The following TRAK2 variants were observed in gnomAD, a reference collection of about 807,000 sequenced individuals.
TRAK2 encodes the protein trafficking kinesin-binding protein 2.
Under a neutral mutation model 104.6 loss-of-function variants are expected in TRAK2, and 81 were observed. That is an observed-to-expected ratio of 0.77 (90% CI 0.65 to 0.93). The LOEUF (loss-of-function observed/expected upper bound fraction) is 0.93, where lower values mean the gene tolerates loss of function less well. Among genes scored for constraint, TRAK2 ranks in the 40% least tolerant of loss-of-function variants. The pLI, the probability that TRAK2 is intolerant of heterozygous loss-of-function variation, is 0.00. For synonymous variants in TRAK2, 406 were observed against 394.4 expected (o/e 1.03, Z -0.35); for missense variants, 1,002 against 1,089.0 (o/e 0.92, Z 1.12).
At chr2:201,421,877 T>C (rs1951743896) in intron 1 of TRAK2, among the ~76,000 whole-genome samples, 1 of 151,880 alleles carries the variant, frequency 6.6e-6, no homozygotes. Flanking sequence ...GGTGAAACCC[T>C]GTCTCTACTA....
chr2:201,410,046 C>G (rs1331878927), intron 2 of TRAK2, among the ~76,000 whole-genome samples: 3 of 152,178 alleles, frequency 2.0e-5, no homozygotes, highest in Non-Finnish European at 4.4e-5. Context: ...GCCTGTAATC[C>G]CAGCACTCTG....
rs1264147542 is a variant in TRAK2 at position 201,420,611 on chromosome 2, G to C, written c.-104C>G. 1.1e-6 allele frequency: 1 copy of C among 946,920 alleles called. No individual in the cohort carries two copies. Among genetic ancestry groups the C allele is most frequent in the South Asian group, 1.4e-5 (1 of 69,350 alleles). 58.7% of individuals were successfully genotyped at this position (946,920 alleles called of 1,614,324 possible). ...ATAATGAAATGGATTTGGTCACATG[G>C]ATATTTTCTTTTAGACAGATTTTCT... On this transcript the variant is annotated 5_prime_UTR_variant, in exon 2 of 16. In the 5' UTR this introduces an upstream ATG that the reference lacks. Coordinates refer to ENST00000332624, the MANE Select transcript of TRAK2 (RefSeq NM_015049.3).
At chr2:201,393,125 T>G in intron 9 of TRAK2, 79 bp from the exon 10 acceptor site, 6 of 1,452,494 alleles carry the variant, frequency 4.1e-6, no homozygotes, top group Non-Finnish European at 5.6e-6. Context: ...CCTTTTGGGA[T>G]AAGTATTGAT....
chr2:201,417,334 C>T (rs1320338764), intron 2 of TRAK2, among the ~76,000 whole-genome samples: 2 of 150,200 alleles, frequency 1.3e-5, no homozygotes, highest in Non-Finnish European at 3.0e-5. Flanking sequence ...CACACACACA[C>T]ATATACACAC....
chr2:201,403,308 G>A (rs189826394), intron 3 of TRAK2, among the ~76,000 whole-genome samples: 40 of 152,262 alleles, frequency 2.6e-4, no homozygotes, highest in Admixed American at 2.0e-3. Flanking sequence ...AATCTTCTCT[G>A]AGAGAAATTA....
At chr2:201,417,241 C>CAAAAAAAAA (rs61702415) in intron 2 of TRAK2, among the ~76,000 whole-genome samples, 26 of 88,422 alleles carry the variant, frequency 2.9e-4, no homozygotes, top group African/African-American at 5.1e-4. Flanking sequence ...GAAGACATTG[C>CAAAAAAAAA]AAAAAAAAAA....
At chr2:201,428,180 C>A (rs913394186) in intron 1 of TRAK2, among the ~76,000 whole-genome samples, 2 of 152,042 alleles carry the variant, frequency 1.3e-5, no homozygotes, top group African/African-American at 4.8e-5. Context: ...TAATGAGATC[C>A]CATTTGTCTA....
At chr2:201,412,134 C>T (rs572777093) in intron 2 of TRAK2, 308 of 1,037,208 alleles carry the variant, frequency 3.0e-4, no homozygotes, top group African/African-American at 2.0e-3. Flanking sequence ...CATTCCTCAA[C>T]GATCAGTAGA....
intron 4 of TRAK2, 115 bp from the exon 5 acceptor site, chr2:201,399,608 GATTC>G: frequency 1.4e-6 from 1 of 689,844 alleles, no homozygotes; most frequent in Non-Finnish European, 2.6e-6. Context: ...AAAGCATCAA[GATTC>G]ATTCATTCAT....
chr2:201,450,465 C>T (rs1332215832), intron 1 of TRAK2, among the ~76,000 whole-genome samples: 9 of 152,014 alleles, frequency 5.9e-5, no homozygotes, highest in Non-Finnish European at 8.8e-5. Context: ...GATAAAATGT[C>T]TTCATCCCTG....
At chr2:201,412,489 T>A (rs1048704020) in intron 2 of TRAK2, 2 of 1,160,094 alleles carry the variant, frequency 1.7e-6, no homozygotes, top group African/African-American at 3.1e-5. Context: ...GAAACTCTTA[T>A]AAATGTCTTG....
intron 4 of TRAK2, among the ~76,000 whole-genome samples, chr2:201,400,437 T>C (rs990208135): frequency 3.3e-5 from 5 of 151,994 alleles, no homozygotes; most frequent in Non-Finnish European, 7.4e-5. Context: ...AATCGCTAAA[T>C]GGCATACATA....
chr2:201,381,114 A>G lies in TRAK2; in HGVS notation c.2174T>C (p.Ile725Thr). 1 of 1,613,854 alleles carries G rather than the reference A, an allele frequency of 6.2e-7. No individual in the cohort carries two copies. The highest frequency in any genetic ancestry group is 8.5e-7 in the Non-Finnish European group (1 of 1,179,848). ...TGTAGTGGAATCTCGTCGGTTGGTG[A>G]TGGACTCACCAATGCTGAGTCTATA... ...LSYRLSIGES[I>T]TNRRDSTTTF... The change falls in exon 16 of 16, where the codon ATC becomes ACC. Residue 725 changes from isoleucine (I) to threonine (T), a missense_variant. Coordinates refer to ENST00000332624, the MANE Select transcript of TRAK2 (RefSeq NM_015049.3).
intron 1 of TRAK2, among the ~76,000 whole-genome samples, chr2:201,444,441 G>A (rs1441909328): frequency 1.3e-5 from 2 of 150,396 alleles, no homozygotes; most frequent in African/African-American, 4.9e-5. Context: ...TCTTAACTCT[G>A]GGCCTTTGTA....
At chr2:201,415,367 T>G (rs1039325271) in intron 2 of TRAK2, among the ~76,000 whole-genome samples, 1 of 151,754 alleles carries the variant, frequency 6.6e-6, no homozygotes, top group African/African-American at 2.4e-5. Flanking sequence ...TATGCAAAAA[T>G]AAACAAAATG....
intron 1 of TRAK2, among the ~76,000 whole-genome samples, chr2:201,439,363 C>A (rs1951901760): frequency 6.6e-6 from 1 of 151,678 alleles, no homozygotes; most frequent in Non-Finnish European, 1.5e-5. Context: ...AACATGATGG[C>A]AAAAATACCA....
intron 3 of TRAK2, among the ~76,000 whole-genome samples, chr2:201,401,913 A>G (rs1320206295): frequency 6.6e-6 from 1 of 152,076 alleles, no homozygotes; most frequent in African/African-American, 2.4e-5. Context: ...ACTGCAGAAC[A>G]TAATTCTGTG....
At position 201,411,205 on chromosome 2, in the gene TRAK2, T is replaced by C. The variant is rs1576521224; in HGVS notation, c.92-3608A>G. The C allele has an allele frequency of 5.6e-6, 4 of 718,726 alleles. No homozygotes were observed. The East Asian group carries it at 7.3e-5, about 13-fold the overall frequency. 44.5% of individuals were successfully genotyped at this position (718,726 alleles called of 1,614,324 possible). ...TCCTTAGTCTGTTTAACAGCAGCAA[T>C]AGGTGTGTACACTTGGGGTTTAAGA... is the stretch of plus-strand genomic sequence containing the variant. On this transcript the variant is annotated intron_variant, in intron 2 of 15. Coordinates refer to ENST00000332624, the MANE Select transcript of TRAK2 (RefSeq NM_015049.3).
At chr2:201,433,183 A>G (rs1186512157) in intron 1 of TRAK2, among the ~76,000 whole-genome samples, 1 of 152,032 alleles carries the variant, frequency 6.6e-6, no homozygotes, top group Admixed American at 6.5e-5. Flanking sequence ...TAAGAGCTGA[A>G]AAAAAGGCGG....
Sources: gnomAD v4.1 joint callset for allele counts (sites outside exome capture counted in the v4.1 genomes callset) on GRCh38, gnomAD v4.1.1 for gene constraint, MANE v1.5 for transcripts, NCBI Gene and HGNC (gene_info 2026-07-23, HGNC 2026-07-21) for gene names.